ADAMTS16: variants seen among roughly 807,000 people sequenced by gnomAD.
ADAMTS16 encodes the protein ADAM metallopeptidase with thrombospondin type 1 motif 16.
ADAMTS16 carries 94 observed loss-of-function variants against 145.8 expected under a neutral mutation model. The ratio of observed to expected loss-of-function variants is 0.64; its 90% CI spans 0.55 to 0.77. The LOEUF is 0.77. ADAMTS16 is among the 30% of genes least tolerant of loss of function. The probability of loss-of-function intolerance (pLI) is 0.00; values close to 1 mark genes in which losing one functional copy is unlikely to be tolerated. For missense variants in ADAMTS16, 1,585 were observed against 1,591.5 expected, an observed-to-expected ratio of 1.00 and a Z score of 0.07; for synonymous variants, 659 against 604.3, an observed-to-expected ratio of 1.09 and a Z score of -1.33.
intron 11 of ADAMTS16, among the ~76,000 whole-genome samples, chr5:5,224,002 G>A (rs1360511814): frequency 1.3e-5 from 2 of 151,926 alleles, no homozygotes; most frequent in Non-Finnish European, 2.9e-5. Context: ...ATTCGAATGT[G>A]ACTACAGACA....
chr5:5,223,294 A>G, intron 11 of ADAMTS16: 1 of 165,960 alleles, frequency 6.0e-6, no homozygotes, highest in South Asian at 1.8e-4. Context: ...GAAGAGAGAG[A>G]GCTATGGTAG....
At chr5:5,208,291 A>G (rs1391577078) in intron 9 of ADAMTS16, among the ~76,000 whole-genome samples, 1 of 152,178 alleles carries the variant, frequency 6.6e-6, no homozygotes, top group Admixed American at 6.5e-5. Flanking sequence ...GCCATTGCTC[A>G]TTGTATTGTG....
At chr5:5,196,188 A>G (rs1361352095) in intron 8 of ADAMTS16, among the ~76,000 whole-genome samples, 2 of 145,774 alleles carry the variant, frequency 1.4e-5, no homozygotes, top group Admixed American at 7.1e-5. Flanking sequence ...CAGTGAGCCG[A>G]GATCACGCCA....
chr5:5,239,876 C>T lies in ADAMTS16; in HGVS notation c.2474C>T (p.Pro825Leu), dbSNP rs769216170. 2.5e-6 allele frequency: 4 copies of T among 1,613,940 alleles called. No individual in the cohort carries two copies. The Admixed American group carries it at 6.7e-5, about 27-fold the overall frequency. ...TFDYRRSYNEPENLIATGPTN... is the reference protein window; with the variant it reads ...TFDYRRSYNELENLIATGPTN... ...GACTACAGACGGTCCTATAATGAGC[C>T]CGAGAACTTAATCGCTACTGGACCA... is the stretch of plus-strand genomic sequence containing the variant. The change falls in exon 16 of 23, where the codon CCC becomes CTC. Residue 825 changes from proline (P) to leucine (L), a missense_variant. Physicochemically the swap from Pro to Leu is moderately conservative, Grantham distance 98. This residue lies in a region of ADAMTS16 where 834 missense variants were observed against 811.7 expected (regional missense o/e 1.03). Transcript: ENST00000274181.
At chr5:5,160,717 C>A (rs955585837) in intron 3 of ADAMTS16, among the ~76,000 whole-genome samples, 9 of 150,910 alleles carry the variant, frequency 6.0e-5, no homozygotes, top group African/African-American at 2.2e-4. Context: ...TGAAAGTGCA[C>A]CTGATCTTGT....
chr5:5,225,327 C>T (rs533100207), intron 11 of ADAMTS16, among the ~76,000 whole-genome samples: 4 of 152,150 alleles, frequency 2.6e-5, no homozygotes, highest in Non-Finnish European at 2.9e-5. Flanking sequence ...AGAGACCGGG[C>T]GCAGTGGCTC....
intron 18 of ADAMTS16, among the ~76,000 whole-genome samples, chr5:5,286,704 A>G (rs1007558571): frequency 1.3e-5 from 2 of 151,632 alleles, no homozygotes; most frequent in Non-Finnish European, 2.9e-5. Context: ...TAAAAATACA[A>G]AAAATTACCC....
intron 18 of ADAMTS16, among the ~76,000 whole-genome samples, chr5:5,280,675 A>G (rs1288532332): frequency 6.6e-6 from 1 of 152,168 alleles, no homozygotes. Context: ...CTGTTGAGTA[A>G]CGGAATTCTA....
chr5:5,177,956 C>T (rs566210523), intron 3 of ADAMTS16, among the ~76,000 whole-genome samples: 24 of 152,132 alleles, frequency 1.6e-4, no homozygotes, highest in African/African-American at 5.8e-4. Flanking sequence ...AGTGACTGGG[C>T]GTTTATTCAT....
chr5:5,168,990 C>T (rs1027323213), intron 3 of ADAMTS16, among the ~76,000 whole-genome samples: 14 of 151,402 alleles, frequency 9.2e-5, no homozygotes, highest in South Asian at 2.1e-4. Context: ...GGTAGTGTTA[C>T]GTATCCTACC....
chr5:5,146,488 G>C, intron 3 of ADAMTS16, 33 bp downstream of exon 3: 1 of 1,561,426 alleles, frequency 6.4e-7, no homozygotes, highest in Non-Finnish European at 8.6e-7. Context: ...GTAGGGAGGC[G>C]AGGTTGGTGA....
chr5:5,194,359 T>C (rs1378244088), intron 8 of ADAMTS16, among the ~76,000 whole-genome samples: 1 of 152,206 alleles, frequency 6.6e-6, no homozygotes, highest in Non-Finnish European at 1.5e-5. Flanking sequence ...ATAATAGTAG[T>C]GTCTGCTCTT....
chr5:5,276,276 T>C (rs561046050), intron 18 of ADAMTS16, among the ~76,000 whole-genome samples: 1 of 152,360 alleles, frequency 6.6e-6, no homozygotes, highest in Non-Finnish European at 1.5e-5. Flanking sequence ...CTTTTCTTCA[T>C]CTTACCGTTT....
At chr5:5,278,034 T>C (rs1395432055) in intron 18 of ADAMTS16, among the ~76,000 whole-genome samples, 1 of 152,218 alleles carries the variant, frequency 6.6e-6, no homozygotes, top group Non-Finnish European at 1.5e-5. Flanking sequence ...TCTGTTTAAA[T>C]TGTTAAAATT....
intron 18 of ADAMTS16, among the ~76,000 whole-genome samples, chr5:5,288,284 G>A (rs775532646): frequency 1.3e-5 from 2 of 152,106 alleles, no homozygotes; most frequent in African/African-American, 2.4e-5. Flanking sequence ...CATCTCCCGT[G>A]GGAAGGTCAT....
At chr5:5,179,870 C>G (rs1477992723) in intron 3 of ADAMTS16, among the ~76,000 whole-genome samples, 1 of 152,188 alleles carries the variant, frequency 6.6e-6, no homozygotes, top group Non-Finnish European at 1.5e-5. Flanking sequence ...CTCTCACCCC[C>G]AGTGGTAACA....
rs1248230131 is a variant in ADAMTS16 at position 5,140,463 on chromosome 5, C to A, written c.-5C>A. The A allele has an allele frequency of 1.3e-6, 2 of 1,510,778 alleles. No individual in the cohort carries two copies. The highest frequency in any genetic ancestry group is 1.8e-6 in the Non-Finnish European group (2 of 1,138,390). 93.6% of individuals were successfully genotyped at this position (1,510,778 alleles called of 1,614,324 possible). ...GTGGCCCCTAGCCCCTCGGAGCGCT[C>A]CTGGATGAAGCCCCGCGCGCGCGGA... On this transcript the variant is annotated 5_prime_UTR_variant, in exon 1 of 23. Coordinates refer to ENST00000274181, the MANE Select transcript of ADAMTS16 (RefSeq NM_139056.4).
At chr5:5,199,990 A>G (rs1046465128) in intron 8 of ADAMTS16, 142 bp from the exon 9 acceptor site, 6 of 967,552 alleles carry the variant, frequency 6.2e-6, no homozygotes, top group South Asian at 5.4e-5. Context: ...ACCAATTGGC[A>G]GTTGTGACTT....
At chr5:5,226,435 T>C (rs1579324172) in intron 11 of ADAMTS16, among the ~76,000 whole-genome samples, 1 of 152,240 alleles carries the variant, frequency 6.6e-6, no homozygotes, top group South Asian at 2.1e-4. Context: ...CCCGCCCCCA[T>C]GATTCAATTA....
Sources: allele counts gnomAD v4.1 joint callset (sites outside exome capture counted in the v4.1 genomes callset), GRCh38; gene constraint gnomAD v4.1.1; regional missense constraint gnomAD v4.1.1; transcripts MANE v1.5; gene names NCBI Gene and HGNC (gene_info 2026-07-23, HGNC 2026-07-21).